REST: variants seen among roughly 807,000 people sequenced by gnomAD.
REST encodes RE1 silencing transcription factor.
REST carries 1 observed loss-of-function variant against 30.4 expected under a neutral mutation model. That is an observed-to-expected ratio of 0.03 (90% confidence interval 0.01 to 0.16). The LOEUF is 0.16. REST is among the 10% of genes least tolerant of loss of function. The pLI, the probability that REST is intolerant of heterozygous loss-of-function variation, is 1.00. For missense variants in REST, 1,259 were observed against 1,329.5 expected (o/e 0.95, Z 0.82); for synonymous variants, 504 against 451.1 (o/e 1.12, Z -1.49).
At chr4:56,909,536 A>G (rs1231970746) in intron 1 of REST, 1 of 152,248 alleles carries the variant, frequency 6.6e-6, no homozygotes, top group Admixed American at 6.5e-5. Context: ...CAGCCCCGGG[A>G]CAGCCTTCGC....
intron 3 of REST, among the ~76,000 whole-genome samples, chr4:56,923,658 C>G (rs1465050122): frequency 6.6e-6 from 1 of 151,848 alleles, no homozygotes; most frequent in Non-Finnish European, 1.5e-5. Flanking sequence ...CTCAGCCTCC[C>G]AAAGTGCTGG....
At chr4:56,926,800 T>G (rs1720731640) in intron 3 of REST, among the ~76,000 whole-genome samples, 2 of 151,606 alleles carry the variant, frequency 1.3e-5, no homozygotes, top group Non-Finnish European at 2.9e-5. Context: ...GAGAGTATTT[T>G]ATAGATGAAA....
intron 3 of REST, among the ~76,000 whole-genome samples, chr4:56,927,830 G>A (rs1720781215): frequency 1.3e-5 from 2 of 151,988 alleles, no homozygotes; most frequent in South Asian, 4.1e-4. Context: ...AGAAAGGTGG[G>A]GGGAAAATCA....
Position 56,932,255 on chromosome 4 carries a change from CT to C in REST, c.*104del. Reference sequence around the variant, plus strand: ...CTTTTAAGATTGCTTTAATTAGTATCTGATGTTGATTTTTAAGTGGCATTCT... The same window carrying C: ...CTTTTAAGATTGCTTTAATTAGTATCGATGTTGATTTTTAAGTGGCATTCT... On this transcript the variant is annotated 3_prime_UTR_variant, in exon 4 of 4. Coordinates refer to ENST00000309042, the MANE Select transcript of REST (RefSeq NM_005612.5). 1 of 1,266,960 alleles carries C rather than the reference CT, an allele frequency of 7.9e-7. No homozygotes were observed. Among genetic ancestry groups the C allele is most frequent in the Non-Finnish European group, 1.1e-6 (1 of 925,556 alleles). 78.5% of individuals were successfully genotyped at this position (1,266,960 alleles called of 1,614,324 possible).
rs1389182420 is a variant in REST at position 56,933,171 on chromosome 4, G to C, written c.*1019G>C. The C allele has an allele frequency of 1.3e-5, 2 of 151,862 alleles. No homozygotes were observed. Among genetic ancestry groups the C allele is most frequent in the African/African-American group, 4.8e-5 (2 of 41,350 alleles). The allele number at this position is 151,862 out of a possible 1,614,324, so 9.4% of individuals were successfully genotyped here. ...TAAATAAACCACTAGGTTGCATGTC[G>C]AACAAATTTTTATCTCAAATACCAA... On this transcript the variant is annotated 3_prime_UTR_variant, in exon 4 of 4. Transcript: ENST00000309042.
At chr4:56,915,016 C>T (rs1449925156) in intron 2 of REST, among the ~76,000 whole-genome samples, 1 of 149,572 alleles carries the variant, frequency 6.7e-6, no homozygotes, top group East Asian at 2.0e-4. Flanking sequence ...CCTCCGCCTC[C>T]CAGGTACAAG....
intron 3 of REST, among the ~76,000 whole-genome samples, chr4:56,925,710 G>A (rs1720672295): frequency 1.3e-5 from 2 of 152,268 alleles, no homozygotes; most frequent in East Asian, 1.9e-4. Flanking sequence ...TAATATTCAG[G>A]TAGGTACTAA....
At position 56,935,479 on chromosome 4, in the gene REST, G is replaced by C. The variant is rs562787052; in HGVS notation, c.*3327G>C. The C allele has an allele frequency of 6.6e-6, 1 of 152,030 alleles. No homozygotes were observed. The allele number at this position is 152,030 out of a possible 1,614,324, so 9.4% of individuals were successfully genotyped here. A position where few individuals can be genotyped will look rare whatever the true frequency, so the allele number is the denominator to read the frequency against. On this transcript the variant is annotated 3_prime_UTR_variant, in exon 4 of 4. Coordinates refer to ENST00000309042, the MANE Select transcript of REST (RefSeq NM_005612.5). Reference sequence around the variant, plus strand: ...CACATGTGTACATAGGTTCCCTCCCGGTCCCTTCCATATCCATTAGTTATT... The same window carrying C: ...CACATGTGTACATAGGTTCCCTCCCCGTCCCTTCCATATCCATTAGTTATT...
chr4:56,914,714 C>A (rs755782776), intron 2 of REST, among the ~76,000 whole-genome samples: 1 of 151,900 alleles, frequency 6.6e-6, no homozygotes, highest in South Asian at 2.1e-4. Flanking sequence ...CCACCATGCC[C>A]GGCTAATTTT....
At chr4:56,910,107 A>G (rs1280248105) in intron 1 of REST, among the ~76,000 whole-genome samples, 3 of 152,194 alleles carry the variant, frequency 2.0e-5, no homozygotes, top group Non-Finnish European at 4.4e-5. Flanking sequence ...TTCATGCGAA[A>G]TCCAATTAAG....
chr4:56,935,063 T>C lies in REST; in HGVS notation c.*2911T>C, dbSNP rs1721101029. 1 of 151,932 alleles carries C rather than the reference T, an allele frequency of 6.6e-6. No individual in the cohort carries two copies. The highest frequency in any genetic ancestry group is 6.6e-5 in the Admixed American group (1 of 15,232). 9.4% of individuals were successfully genotyped at this position (151,932 alleles called of 1,614,324 possible). A position where few individuals can be genotyped will look rare whatever the true frequency, so the allele number is the denominator to read the frequency against. ...ACTATGGCTGGATCTTTTGCTCTAG[T>C]CTTCTAAGAAGGGCCATTTTATTTT... On this transcript the variant is annotated 3_prime_UTR_variant, in exon 4 of 4. Transcript: ENST00000309042.
At position 56,911,193 on chromosome 4, in the gene REST, A is replaced by G. The variant is rs1363637582; in HGVS notation, c.555A>G (p.Lys185=). The change falls in exon 2 of 4, where the codon AAA becomes AAG. Residue 185 remains lysine, a synonymous_variant. Coordinates refer to ENST00000309042, the MANE Select transcript of REST (RefSeq NM_005612.5). ...ACATCAGAGTTCACAGTGCTAAGAA[A>G]TTTTTTGTGGAAGAGAGTGCAGAGA... The part of the protein sequence containing the change: ...VHHIRVHSAK[K]FFVEESAEKQ... The G allele has an allele frequency of 1.2e-6, 2 of 1,614,042 alleles. No individual in the cohort carries two copies. Among genetic ancestry groups the G allele is most frequent in the Non-Finnish European group, 8.5e-7 (1 of 1,180,036 alleles).
At chr4:56,919,479 G>T (rs550842140) in intron 2 of REST, among the ~76,000 whole-genome samples, 1 of 152,194 alleles carries the variant, frequency 6.6e-6, no homozygotes, top group South Asian at 2.1e-4. Flanking sequence ...ACCTTATCAA[G>T]ATAGTTTTTT....
intron 1 of REST, chr4:56,909,432 A>T (rs1004912502): frequency 1.3e-5 from 2 of 152,248 alleles, no homozygotes; most frequent in Admixed American, 1.3e-4. Flanking sequence ...TCTTCCTAAC[A>T]ATCGTTAAAA....
intron 3 of REST, among the ~76,000 whole-genome samples, chr4:56,927,332 A>C (rs1216801644): frequency 6.6e-6 from 1 of 152,248 alleles, no homozygotes; most frequent in Admixed American, 6.5e-5. Context: ...GTAATGTAGC[A>C]TGTTGTAGAA....
intron 2 of REST, 50 bp from the exon 3 acceptor site, chr4:56,919,737 T>G (rs1720363980): frequency 9.0e-7 from 1 of 1,108,534 alleles, no homozygotes; most frequent in Non-Finnish European, 1.4e-6. Context: ...AGAATTGTAT[T>G]TGGCTATTTC....
chr4:56,931,583 C>T lies in REST; in HGVS notation c.2725C>T (p.Leu909Phe), dbSNP rs770528961. ...AEEADESLPG[L>F]AANINESTHI... The stretch of plus-strand genomic sequence containing the variant: ...AGAGGCAGATGAGAGCCTACCTGGT[C>T]TTGCTGCTAATATCAACGAATCTAC... Residue 909 changes from leucine (L) to phenylalanine (F), a missense_variant, in exon 4 of 4, where the codon CTT (leucine) becomes TTT (phenylalanine). Physicochemically the swap from Leu to Phe is conservative, Grantham distance 22 (BLOSUM62 0). Transcript: ENST00000309042. 3 of 1,614,196 alleles carry T rather than the reference C, an allele frequency of 1.9e-6. No individual in the cohort carries two copies. Among genetic ancestry groups the T allele is most frequent in the East Asian group, 4.5e-5 (2 of 44,890 alleles).
At position 56,935,778 on chromosome 4, in the gene REST, A is replaced by G. The variant is rs946293619; in HGVS notation, c.*3626A>G. ...GTAGGATAAGTTAAACTTAAATTGC[A>G]TTCTATTAACCAATATGAGTGTATT... On this transcript the variant is annotated 3_prime_UTR_variant, in exon 4 of 4. Transcript: ENST00000309042. The G allele has an allele frequency of 1.3e-5, 2 of 152,238 alleles. No homozygotes were observed. The highest frequency in any genetic ancestry group is 2.9e-5 in the Non-Finnish European group (2 of 68,028). The allele number at this position is 152,238 out of a possible 1,614,324, so 9.4% of individuals were successfully genotyped here.
chr4:56,930,743 G>C lies in REST; in HGVS notation c.1885G>C (p.Glu629Gln). The change falls in exon 4 of 4, where the codon GAG becomes CAG. Residue 629 changes from glutamate to glutamine, a missense_variant. Around this residue, in one of 5 missense-constraint regions of REST, gnomAD observed 856 missense variants for 772.8 expected, o/e 1.11. Coordinates refer to ENST00000309042, the MANE Select transcript of REST (RefSeq NM_005612.5). ...EAVQKGPVQV[E>Q]PPPPMEHAQM... is the part of the protein sequence containing the mutation. ...GGTTCAGAAGGGGCCCGTTCAGGTG[G>C]AGCCGCCACCTCCCATGGAGCATGC... is the stretch of plus-strand genomic sequence containing the variant. 6.2e-7 allele frequency: 1 copy of C among 1,601,206 alleles called. No individual in the cohort carries two copies. The highest frequency in any genetic ancestry group is 1.1e-5 in the South Asian group (1 of 88,914).
Sources: gnomAD v4.1 joint callset for allele counts (sites outside exome capture counted in the v4.1 genomes callset) on GRCh38, gnomAD v4.1.1 for gene constraint, gnomAD v4.1.1 regional missense constraint, MANE v1.5 for transcripts, NCBI Gene and HGNC (gene_info 2026-07-23, HGNC 2026-07-21) for gene names.